MYO5A: variants seen among roughly 807,000 people sequenced by gnomAD.
MYO5A encodes the protein unconventional myosin-Va.
A neutral mutation model predicts 249.7 loss-of-function variants in MYO5A; 98 were observed. That is an observed-to-expected ratio of 0.39 (90% CI 0.33 to 0.46). The LOEUF is 0.46. MYO5A is among the 20% of genes least tolerant of loss of function. MYO5A has a pLI of 0.98. For synonymous variants in MYO5A, 778 were observed against 810.6 expected, an observed-to-expected ratio of 0.96 and a Z score of 0.68; for missense variants, 1,696 against 2,308.8, an observed-to-expected ratio of 0.73 and a Z score of 5.44.
Position 52,416,211 on chromosome 15 carries a change from A to G in MYO5A, c.546T>C (p.Thr182=). 2 of 1,614,082 alleles carry G rather than the reference A, an allele frequency of 1.2e-6. No individual in the cohort carries two copies. The highest frequency in any genetic ancestry group is 1.7e-6 in the Non-Finnish European group (2 of 1,179,968). The change falls in exon 5 of 42, where the codon ACT becomes ACC. Residue 182 remains threonine (T), a synonymous_variant. Coordinates refer to ENST00000399233, the MANE Select transcript of MYO5A (RefSeq NM_001382347.1). ...SAKYAMRYFA[T]VSGSASEANV... ...TGGCCTCACTGGCAGAACCACTCACAGTTGCAAAGTATCGCATGGCATACT... is the reference window on the plus strand; with the variant it reads ...TGGCCTCACTGGCAGAACCACTCACGGTTGCAAAGTATCGCATGGCATACT...
At chr15:52,515,032 C>A (rs544782680) in intron 1 of MYO5A, among the ~76,000 whole-genome samples, 10 of 152,284 alleles carry the variant, frequency 6.6e-5, no homozygotes, top group South Asian at 4.1e-4. Flanking sequence ...AATCTCAGCA[C>A]TTTGGGAGGC....
chr15:52,344,060 T>A (rs1215153510), intron 30 of MYO5A, among the ~76,000 whole-genome samples: 1 of 152,140 alleles, frequency 6.6e-6, no homozygotes, highest in Non-Finnish European at 1.5e-5. Flanking sequence ...AGCTGGTAAG[T>A]AGTGGATCCC....
chr15:52,528,397 C>T (rs2077763519), intron 1 of MYO5A, among the ~76,000 whole-genome samples: 1 of 152,236 alleles, frequency 6.6e-6, no homozygotes. Flanking sequence ...CGAGAGAACC[C>T]ATCCGATCTA....
At chr15:52,357,623 G>C (rs775020921) in intron 25 of MYO5A, among the ~76,000 whole-genome samples, 1 of 152,102 alleles carries the variant, frequency 6.6e-6, no homozygotes, top group African/African-American at 2.4e-5. Flanking sequence ...AAAATGACTC[G>C]AGGCATAAAG....
At chr15:52,519,107 C>A (rs968047285) in intron 1 of MYO5A, among the ~76,000 whole-genome samples, 1 of 152,066 alleles carries the variant, frequency 6.6e-6, no homozygotes, top group Non-Finnish European at 1.5e-5. Flanking sequence ...TAGACATGAA[C>A]AAGGAATGAC....
intron 1 of MYO5A, among the ~76,000 whole-genome samples, chr15:52,461,994 T>C (rs2141416028): frequency 6.7e-6 from 1 of 149,296 alleles, no homozygotes; most frequent in East Asian, 2.0e-4. Context: ...CCAGGCGCAG[T>C]GGCTCATGCC....
chr15:52,378,059 G>C (rs12914306), intron 18 of MYO5A, among the ~76,000 whole-genome samples: 143,596 of 152,212 alleles, frequency 0.94, 68,303 homozygotes, highest in East Asian at 1. Flanking sequence ...GTCCTTACCC[G>C]CATCCCGCTT....
intron 1 of MYO5A, among the ~76,000 whole-genome samples, chr15:52,455,785 A>C (rs200259171): frequency 7.0e-5 from 10 of 143,838 alleles, no homozygotes; most frequent in Non-Finnish European, 1.2e-4. Flanking sequence ...AAAAAAAAAA[A>C]CCTCAACAAA....
At chr15:52,520,365 C>T (rs2077591789) in intron 1 of MYO5A, among the ~76,000 whole-genome samples, 1 of 152,124 alleles carries the variant, frequency 6.6e-6, no homozygotes, top group Admixed American at 6.5e-5. Flanking sequence ...TGCCTAGAGG[C>T]CCAATGAAAG....
At chr15:52,367,148 A>G in intron 22 of MYO5A, 24 bp from the exon 23 acceptor site, 1 of 1,595,878 alleles carries the variant, frequency 6.3e-7, no homozygotes, top group Non-Finnish European at 8.6e-7. Context: ...CAATAAACTG[A>G]GATGGTTGCA....
At chr15:52,514,952 T>G (rs534507248) in intron 1 of MYO5A, among the ~76,000 whole-genome samples, 1 of 152,276 alleles carries the variant, frequency 6.6e-6, no homozygotes, top group East Asian at 1.9e-4. Flanking sequence ...GACCAAAGAT[T>G]GCTTAGGAAG....
At chr15:52,515,529 G>A (rs2077479086) in intron 1 of MYO5A, among the ~76,000 whole-genome samples, 1 of 152,188 alleles carries the variant, frequency 6.6e-6, no homozygotes, top group African/African-American at 2.4e-5. Flanking sequence ...TATTCTAAGT[G>A]CTTCCCATGT....
intron 38 of MYO5A, 90 bp downstream of exon 38, chr15:52,321,269 C>T: frequency 6.5e-7 from 1 of 1,544,748 alleles, no homozygotes; most frequent in Non-Finnish European, 8.9e-7. Flanking sequence ...CAAATGAATA[C>T]CTGCCCTGAA....
chr15:52,333,337 A>T (rs1344096751), intron 34 of MYO5A, among the ~76,000 whole-genome samples: 1 of 152,250 alleles, frequency 6.6e-6, no homozygotes, highest in Non-Finnish European at 1.5e-5. Flanking sequence ...AAGTTTTAAA[A>T]AAATTTACTT....
At chr15:52,500,177 T>C (rs2077124029) in intron 1 of MYO5A, among the ~76,000 whole-genome samples, 1 of 152,100 alleles carries the variant, frequency 6.6e-6, no homozygotes, top group Non-Finnish European at 1.5e-5. Flanking sequence ...TCTTCAACAT[T>C]TGTATTTTTT....
intron 41 of MYO5A, 40 bp downstream of exon 41, chr15:52,314,083 A>T: frequency 6.7e-7 from 1 of 1,492,376 alleles, no homozygotes; most frequent in South Asian, 1.1e-5. Flanking sequence ...CATTCAAAAG[A>T]CTGTGTTGGT....
At chr15:52,418,940 T>C (rs1183183632) in intron 4 of MYO5A, among the ~76,000 whole-genome samples, 1 of 152,220 alleles carries the variant, frequency 6.6e-6, no homozygotes, top group African/African-American at 2.4e-5. Context: ...GTAATCTCTC[T>C]AGTTTATCAT....
intron 18 of MYO5A, among the ~76,000 whole-genome samples, chr15:52,378,861 G>A (rs568207130): frequency 6.6e-6 from 1 of 152,268 alleles, no homozygotes; most frequent in South Asian, 2.1e-4. Context: ...CAGACCTACT[G>A]AATCAGAAAT....
intron 1 of MYO5A, among the ~76,000 whole-genome samples, chr15:52,489,861 C>G (rs67287941): frequency 0.15 from 22,411 of 152,124 alleles, 1,781 homozygotes; most frequent in Middle Eastern, 0.22. Flanking sequence ...AATTCTACAG[C>G]TGAACAGCAA....
Sources: gnomAD v4.1 joint callset for allele counts (sites outside exome capture counted in the v4.1 genomes callset) on GRCh38, gnomAD v4.1.1 for gene constraint, MANE v1.5 for transcripts, NCBI Gene and HGNC (gene_info 2026-07-23, HGNC 2026-07-21) for gene names.